Variants in SPATA6 observed in about 807,000 individuals in gnomAD.
The protein encoded by SPATA6 is spermatogenesis associated 6.
A neutral mutation model predicts 65.3 loss-of-function variants in SPATA6; 56 were observed. The observed-to-expected ratio is 0.86, with a 90% confidence interval of 0.69 to 1.07. SPATA6 has a LOEUF of 1.07. SPATA6 is among the 50% of genes least tolerant of loss of function. SPATA6 has a pLI of 0.00. For missense variants in SPATA6, 590 were observed against 594.8 expected, an observed-to-expected ratio of 0.99 and a Z score of 0.08; for synonymous variants, 199 against 213.2, an observed-to-expected ratio of 0.93 and a Z score of 0.58.
chr1:48,451,216 T>C (rs549253587), intron 3 of SPATA6, among the ~76,000 whole-genome samples: 1 of 152,282 alleles, frequency 6.6e-6, no homozygotes, highest in East Asian at 1.9e-4. Context: ...CATATTTCTG[T>C]TTGCAGGGGA....
At chr1:48,430,799 T>G (rs1308653310) in intron 3 of SPATA6, among the ~76,000 whole-genome samples, 2 of 151,808 alleles carry the variant, frequency 1.3e-5, no homozygotes, top group Non-Finnish European at 2.9e-5. Flanking sequence ...AGACAGAAAC[T>G]TAAACAATTC....
intron 12 of SPATA6, among the ~76,000 whole-genome samples, chr1:48,302,668 C>A (rs1644968294): frequency 6.6e-6 from 1 of 152,124 alleles, no homozygotes; most frequent in African/African-American, 2.4e-5. Context: ...CTTCACAAGG[C>A]TTCACATTCA....
At chr1:48,374,661 C>A (rs1404594333) in intron 9 of SPATA6, among the ~76,000 whole-genome samples, 1 of 152,180 alleles carries the variant, frequency 6.6e-6, no homozygotes, top group Non-Finnish European at 1.5e-5. Context: ...GATTCTGAAT[C>A]CTGGCAAACA....
rs2148631893 is a variant in SPATA6, at chr1:48,297,916, C to G, written c.*797G>C. Reference sequence around the variant, plus strand: ...ACACAAATTCCAAGCAGTCAAATTACAATATAATTCCATTATTATTTTTAG... The same window carrying G: ...ACACAAATTCCAAGCAGTCAAATTAGAATATAATTCCATTATTATTTTTAG... On this transcript the variant is annotated 3_prime_UTR_variant, in exon 13 of 13. Coordinates refer to ENST00000371847, the MANE Select transcript of SPATA6 (RefSeq NM_019073.4). 6.6e-6 allele frequency: 1 copy of G among 151,810 alleles called. No homozygotes were observed. Among genetic ancestry groups the G allele is most frequent in the African/African-American group, 2.4e-5 (1 of 41,406 alleles). 9.4% of individuals were successfully genotyped at this position (151,810 alleles called of 1,614,324 possible).
In SPATA6 at chr1:48,295,809, T is replaced by C. The variant is rs1644803572; in HGVS notation, c.*2904A>G. Reference sequence around the variant, plus strand: ...AGATTTTTCATCAGGGGCTTAATCTTTGGAAATCAGAAAACAACTCTGCCT... The same window carrying C: ...AGATTTTTCATCAGGGGCTTAATCTCTGGAAATCAGAAAACAACTCTGCCT... On this transcript the variant is annotated 3_prime_UTR_variant, in exon 13 of 13. Coordinates refer to ENST00000371847, the MANE Select transcript of SPATA6 (RefSeq NM_019073.4). 1 of 152,154 alleles carries C rather than the reference T, an allele frequency of 6.6e-6. No homozygotes were observed. Among genetic ancestry groups the C allele is most frequent in the African/African-American group, 2.4e-5 (1 of 41,454 alleles). 9.4% of individuals were successfully genotyped at this position (152,154 alleles called of 1,614,324 possible).
the SPATA6 span, among the ~76,000 whole-genome samples, chr1:48,280,717 G>T: frequency 1.3e-5 from 2 of 152,160 alleles, no homozygotes; most frequent in South Asian, 2.1e-4. Flanking sequence ...AGAGAGTCCA[G>T]GACCAGATGG....
At chr1:48,439,799 C>T (rs905504725) in intron 3 of SPATA6, among the ~76,000 whole-genome samples, 9 of 152,156 alleles carry the variant, frequency 5.9e-5, no homozygotes, top group East Asian at 1.9e-4. Context: ...CAATTTGACC[C>T]GCAAACCCTG....
chr1:48,358,563 A>G (rs991461646), intron 10 of SPATA6, among the ~76,000 whole-genome samples: 9 of 152,146 alleles, frequency 5.9e-5, no homozygotes, highest in Non-Finnish European at 1.3e-4. Context: ...CTGTACGTCT[A>G]AACAGCTGGG....
chr1:48,411,599 G>T lies in SPATA6; in HGVS notation c.281-11C>A. On this transcript the variant is annotated splice_polypyrimidine_tract_variant and intron_variant, in intron 4 of 12. Coordinates refer to ENST00000371847, the MANE Select transcript of SPATA6 (RefSeq NM_019073.4). ...ACAGTGTTTCACCCACTACAAGAAA[G>T]ATACCCTATGATTCAAATTATAATA... is the stretch of plus-strand genomic sequence containing the variant. 1 of 1,533,358 alleles carries T rather than the reference G, an allele frequency of 6.5e-7. No homozygotes were observed. The allele number at this position is 1,533,358 out of a possible 1,614,324, so 95.0% of individuals were successfully genotyped here.
intron 9 of SPATA6, among the ~76,000 whole-genome samples, chr1:48,377,441 C>T (rs1241369363): frequency 6.6e-6 from 1 of 152,112 alleles, no homozygotes; most frequent in Non-Finnish European, 1.5e-5. Flanking sequence ...ATTGCAGATG[C>T]TCTTCCCTCC....
intron 9 of SPATA6, among the ~76,000 whole-genome samples, chr1:48,379,006 A>G (rs188474767): frequency 6.6e-6 from 1 of 152,310 alleles, no homozygotes; most frequent in East Asian, 1.9e-4. Context: ...AGAAAGACAA[A>G]TGTCACATGA....
At chr1:48,368,489 C>T (rs146317848) in intron 9 of SPATA6, among the ~76,000 whole-genome samples, 8,746 of 152,200 alleles carry the variant, frequency 0.057, 374 homozygotes, top group African/African-American at 0.11. Context: ...AGACTTTGTT[C>T]GTTTCTTTTT....
chr1:48,402,079 T>G (rs965371250), intron 6 of SPATA6, among the ~76,000 whole-genome samples: 4 of 152,118 alleles, frequency 2.6e-5, no homozygotes, highest in Non-Finnish European at 4.4e-5. Flanking sequence ...GAAAATGTAT[T>G]TCCTTAAATA....
chr1:48,448,594 G>A (rs970685798), intron 3 of SPATA6, among the ~76,000 whole-genome samples: 18 of 151,882 alleles, frequency 1.2e-4, no homozygotes, highest in African/African-American at 4.4e-4. Flanking sequence ...ATACCAACAT[G>A]GTTCATAATT....
At chr1:48,443,266 A>C (rs543160035) in intron 3 of SPATA6, among the ~76,000 whole-genome samples, 1 of 152,322 alleles carries the variant, frequency 6.6e-6, no homozygotes, top group African/African-American at 2.4e-5. Context: ...CAACGAAAGT[A>C]AAGTTTGCTA....
intron 7 of SPATA6, among the ~76,000 whole-genome samples, chr1:48,398,288 A>C (rs1650796097): frequency 6.6e-6 from 1 of 151,638 alleles, no homozygotes; most frequent in African/African-American, 2.4e-5. Flanking sequence ...TCTGTTACTT[A>C]AGAGTTAAAA....
Position 48,368,442 on chromosome 1 carries a change from T to C in SPATA6, c.910-8672A>G, listed in dbSNP as rs531548725. 1.8e-4 allele frequency among the ~76,000 whole-genome samples: 28 copies of C among 152,344 alleles called. No homozygotes were observed. In the East Asian group the frequency reaches 5.0e-3, roughly 27 times the overall value. On this transcript the variant is annotated intron_variant, in intron 9 of 12. Coordinates refer to ENST00000371847, the MANE Select transcript of SPATA6 (RefSeq NM_019073.4). Reference sequence around the variant, plus strand: ...CACTTTCAGGTACACCAATCAGACGTAGATTTGGTCTTTTCACATAGTCCC... The same window carrying C: ...CACTTTCAGGTACACCAATCAGACGCAGATTTGGTCTTTTCACATAGTCCC...
intron 11 of SPATA6, among the ~76,000 whole-genome samples, chr1:48,335,084 G>A (rs535735301): frequency 2.0e-5 from 3 of 152,064 alleles, no homozygotes; most frequent in African/African-American, 7.2e-5. Context: ...GCAGGGAGGT[G>A]AAATATCTCT....
the SPATA6 span, among the ~76,000 whole-genome samples, chr1:48,277,835 C>T: frequency 2.0e-5 from 3 of 152,220 alleles, no homozygotes; most frequent in Middle Eastern, 3.2e-3. Flanking sequence ...CAGTGGTTCT[C>T]CCAGCACACA....
Sources: allele counts gnomAD v4.1 joint callset (sites outside exome capture counted in the v4.1 genomes callset), GRCh38; gene constraint gnomAD v4.1.1; transcripts MANE v1.5; gene names NCBI Gene and HGNC (gene_info 2026-07-23, HGNC 2026-07-21).